Variants in ZFPM2 observed in about 807,000 individuals in gnomAD.
ZFPM2 encodes the protein zinc finger protein, FOG family member 2.
Under a neutral mutation model 98.6 loss-of-function variants are expected in ZFPM2, and 20 were observed. The observed-to-expected ratio is 0.20, with a 90% CI of 0.14 to 0.29. The LOEUF (loss-of-function observed/expected upper bound fraction) is 0.29. ZFPM2 is among the 10% of genes least tolerant of loss of function. The pLI is 1.00. For missense variants in ZFPM2, 1,310 were observed against 1,388.6 expected (o/e 0.94, Z 0.90); for synonymous variants, 518 against 502.7 (o/e 1.03, Z -0.41).
At chr8:105,727,523 C>CT (rs1305298013) in intron 5 of ZFPM2, among the ~76,000 whole-genome samples, 1 of 151,650 alleles carries the variant, frequency 6.6e-6, no homozygotes, top group African/African-American at 2.4e-5. Flanking sequence ...AATTATGCAA[C>CT]CAGTAGTTTT....
chr8:105,478,901 A>T (rs576636554), intron 3 of ZFPM2, among the ~76,000 whole-genome samples: 1 of 152,304 alleles, frequency 6.6e-6, no homozygotes, highest in African/African-American at 2.4e-5. Context: ...ACTAAAGTCT[A>T]TCCTCAGTTT....
At chr8:105,626,175 G>T (rs1816650594) in intron 4 of ZFPM2, among the ~76,000 whole-genome samples, 2 of 152,086 alleles carry the variant, frequency 1.3e-5, no homozygotes, top group Non-Finnish European at 2.9e-5. Context: ...TATAGTTCCA[G>T]TCACATTAAT....
intron 4 of ZFPM2, among the ~76,000 whole-genome samples, chr8:105,589,228 A>C (rs1815791873): frequency 6.6e-6 from 1 of 152,198 alleles, no homozygotes. Flanking sequence ...ACAGACTGTC[A>C]TTTCATCATG....
At chr8:105,411,889 CT>C (rs1278921979) in intron 1 of ZFPM2, among the ~76,000 whole-genome samples, 5 of 151,860 alleles carry the variant, frequency 3.3e-5, no homozygotes, top group South Asian at 4.1e-4. Context: ...ATTTCTTCCC[CT>C]GACTTTATTT....
intron 1 of ZFPM2, among the ~76,000 whole-genome samples, chr8:105,330,538 C>CTCTATATATATACACATA (rs1554594944): frequency 2.0e-5 from 2 of 100,126 alleles, no homozygotes; most frequent in African/African-American, 7.9e-5. Context: ...CTCTCTCTCT[C>CTCTATATATATACACATA]TATATATATA....
chr8:105,325,667 T>C (rs770887766), intron 1 of ZFPM2, among the ~76,000 whole-genome samples: 5 of 151,890 alleles, frequency 3.3e-5, no homozygotes, highest in Non-Finnish European at 5.9e-5. Flanking sequence ...ATTGATTTAG[T>C]TTTTGTTTGC....
At chr8:105,367,241 G>GT (rs1810531289) in intron 1 of ZFPM2, among the ~76,000 whole-genome samples, 1 of 39,564 alleles carries the variant, frequency 2.5e-5, no homozygotes, top group Admixed American at 2.9e-4. Flanking sequence ...CTTTAAAGTA[G>GT]TTTTTTCCAA....
chr8:105,360,153 T>C (rs1812829207), intron 1 of ZFPM2, among the ~76,000 whole-genome samples: 1 of 152,224 alleles, frequency 6.6e-6, no homozygotes, highest in South Asian at 2.1e-4. Context: ...TTCATCAGGC[T>C]GTTTTCCTGA....
chr8:105,562,560 G>A (rs545945766), intron 4 of ZFPM2, among the ~76,000 whole-genome samples: 5 of 152,068 alleles, frequency 3.3e-5, no homozygotes, highest in South Asian at 4.2e-4. Flanking sequence ...ACTCCTTTTC[G>A]GATGCTTTAT....
At chr8:105,780,595 A>C (rs1428321957) in intron 5 of ZFPM2, 1 of 152,278 alleles carries the variant, frequency 6.6e-6, no homozygotes, top group Non-Finnish European at 1.5e-5. Context: ...ATTCAAAGCT[A>C]GTTTCGCCGG....
rs546893281 is a variant in ZFPM2, at chr8:105,686,588, A to G, written c.532+52231A>G. Among the ~76,000 whole-genome samples, 14 of 152,084 alleles carry G rather than the reference A, an allele frequency of 9.2e-5. No homozygotes were observed. In the South Asian group the frequency reaches 1.0e-3, roughly 11 times the overall value. On this transcript the variant is annotated intron_variant, in intron 5 of 7. Transcript: ENST00000407775. ...TCTGAACATTTCTTGGCTTACCTCAATTTTTTTCTTTTTGCATGCTTAGGT... is the reference window on the plus strand; with the variant it reads ...TCTGAACATTTCTTGGCTTACCTCAGTTTTTTTCTTTTTGCATGCTTAGGT...
chr8:105,741,732 C>A (rs938013633), intron 5 of ZFPM2, among the ~76,000 whole-genome samples: 12 of 149,716 alleles, frequency 8.0e-5, no homozygotes, highest in African/African-American at 3.1e-4. Context: ...GAAAACAATA[C>A]TGAACCATTT....
chr8:105,798,630 C>G lies in ZFPM2; in HGVS notation c.740-94C>G, dbSNP rs552984712. 18 of 1,025,538 alleles carry G rather than the reference C, an allele frequency of 1.8e-5. No individual in the cohort carries two copies. In the South Asian group the frequency reaches 2.3e-4, roughly 13 times the overall value. The allele number at this position is 1,025,538 out of a possible 1,614,324, so 63.5% of individuals were successfully genotyped here. A position where few individuals can be genotyped will look rare whatever the true frequency, so the allele number is the denominator to read the frequency against. On this transcript the variant is annotated intron_variant, in intron 6 of 7. Coordinates refer to ENST00000407775, the MANE Select transcript of ZFPM2 (RefSeq NM_012082.4). ...GATTGCCCAATTAAGAACCTGAGAGCGGAGTCTGAGAAAAATTGAACTAAA... is the reference window on the plus strand; with the variant it reads ...GATTGCCCAATTAAGAACCTGAGAGGGGAGTCTGAGAAAAATTGAACTAAA...
chr8:105,801,665 T>C lies in ZFPM2; in HGVS notation c.1583T>C (p.Leu528Pro). The C allele has an allele frequency of 6.2e-7, 1 of 1,613,750 alleles. No individual in the cohort carries two copies. The highest frequency in any genetic ancestry group is 2.2e-5 in the East Asian group (1 of 44,864). Residue 528 changes from leucine to proline, a missense_variant, in exon 8 of 8, where the codon CTG becomes CCG. Coordinates refer to ENST00000407775, the MANE Select transcript of ZFPM2 (RefSeq NM_012082.4). Reference protein sequence around the residue: ...AKMSELVHRRLRHGSSSYPPV... With the variant: ...AKMSELVHRRPRHGSSSYPPV... Reference sequence around the variant, plus strand: ...ATGTCTGAACTGGTGCATCGGCGACTGAGGCATGGCAGTAGTAGCTACCCT... The same window carrying C: ...ATGTCTGAACTGGTGCATCGGCGACCGAGGCATGGCAGTAGTAGCTACCCT...
At position 105,496,718 on chromosome 8, in the gene ZFPM2, C is replaced by T. The variant is rs528863761; in HGVS notation, c.301+52337C>T. 2.5e-4 allele frequency among the ~76,000 whole-genome samples: 36 copies of T among 144,638 alleles called. No individual in the cohort carries two copies. In the South Asian group the frequency reaches 6.2e-3, roughly 25 times the overall value. 94.9% of individuals were successfully genotyped at this position (144,638 alleles called of 152,430 possible). A position where few individuals can be genotyped will look rare whatever the true frequency, so the allele number is the denominator to read the frequency against. On this transcript the variant is annotated intron_variant, in intron 3 of 7. Transcript: ENST00000407775. Reference sequence around the variant, plus strand: ...CGGAGTCAGGCCGGGCATGGTGGCTCATGCCTGTAATCCCAGCACTTTGGG... The same window carrying T: ...CGGAGTCAGGCCGGGCATGGTGGCTTATGCCTGTAATCCCAGCACTTTGGG...
intron 5 of ZFPM2, among the ~76,000 whole-genome samples, chr8:105,649,897 G>A (rs867121686): frequency 2.3e-4 from 35 of 152,284 alleles, no homozygotes; most frequent in South Asian, 1.4e-3. Context: ...TGGCCTCATA[G>A]ACTGAGTTAG....
chr8:105,710,798 C>T lies in ZFPM2; in HGVS notation c.532+76441C>T, dbSNP rs942674394. 1.6e-4 allele frequency among the ~76,000 whole-genome samples: 24 copies of T among 151,732 alleles called. 1 individual carries two copies. The highest frequency in any genetic ancestry group is 2.9e-4 in the African/African-American group (12 of 41,382). ...GTCCATATACTAGAGGGATGACTTT[C>T]AGAATTTTCTTAATTTCTCTGTGTC... On this transcript the variant is annotated intron_variant, in intron 5 of 7. Coordinates refer to ENST00000407775, the MANE Select transcript of ZFPM2 (RefSeq NM_012082.4).
intron 1 of ZFPM2, among the ~76,000 whole-genome samples, chr8:105,356,510 C>G (rs1812750261): frequency 6.6e-6 from 1 of 152,206 alleles, no homozygotes; most frequent in African/African-American, 2.4e-5. Flanking sequence ...GATCTGTAAT[C>G]TGAGACACTG....
At chr8:105,560,145 G>T (rs1212168874) in intron 3 of ZFPM2, among the ~76,000 whole-genome samples, 1 of 148,316 alleles carries the variant, frequency 6.7e-6, no homozygotes, top group Admixed American at 6.8e-5. Flanking sequence ...AGGCAGCCTG[G>T]GCAACAAGAG....
Sources: gnomAD v4.1 joint callset for allele counts (sites outside exome capture counted in the v4.1 genomes callset) on GRCh38, gnomAD v4.1.1 for gene constraint, MANE v1.5 for transcripts, NCBI Gene and HGNC (gene_info 2026-07-23, HGNC 2026-07-21) for gene names.